The following NCALD variants were observed in gnomAD, a reference collection of about 807,000 sequenced individuals.
The protein encoded by NCALD is neurocalcin-delta.
In NCALD, 10 loss-of-function variants were observed where a neutral mutation model predicts 18.6. The observed-to-expected ratio is 0.54, with a 90% CI of 0.33 to 0.91. The LOEUF (loss-of-function observed/expected upper bound fraction) is 0.91, where lower values mean the gene tolerates loss of function less well. Ranked by LOEUF, NCALD falls within the 40% of genes least tolerant of loss-of-function variation. The pLI is 0.03. For synonymous variants in NCALD, 88 were observed against 87.4 expected (o/e 1.01, Z -0.04); for missense variants, 184 against 247.6 (o/e 0.74, Z 1.72).
intron 4 of NCALD, among the ~76,000 whole-genome samples, chr8:101,828,953 A>T (rs1160373454): frequency 7.2e-6 from 1 of 138,702 alleles, no homozygotes; most frequent in Non-Finnish European, 1.6e-5. Flanking sequence ...GGACAGAAGG[A>T]TGGGTGAGTG....
chr8:101,804,642 T>C (rs1813025837), intron 4 of NCALD, among the ~76,000 whole-genome samples: 1 of 126,882 alleles, frequency 7.9e-6, no homozygotes, highest in Non-Finnish European at 1.6e-5. Context: ...AATTAACTAT[T>C]ATATATTAGT....
At chr8:101,744,589 A>G (rs930875399) in intron 1 of NCALD, among the ~76,000 whole-genome samples, 3 of 152,176 alleles carry the variant, frequency 2.0e-5, no homozygotes, top group African/African-American at 7.2e-5. Context: ...GCAGAGATCC[A>G]GTTTCACTTC....
intron 1 of NCALD, among the ~76,000 whole-genome samples, chr8:101,773,980 T>C (rs1379155669): frequency 2.0e-5 from 3 of 152,186 alleles, no homozygotes; most frequent in Non-Finnish European, 2.9e-5. Flanking sequence ...AAATGACTAA[T>C]TCAGTGGTCA....
At chr8:101,951,048 C>A (rs950634422) in intron 2 of NCALD, among the ~76,000 whole-genome samples, 1 of 152,222 alleles carries the variant, frequency 6.6e-6, no homozygotes, top group Admixed American at 6.5e-5. Flanking sequence ...CCAAGCCATG[C>A]AGGCAATGCC....
In NCALD at chr8:101,895,922, G is replaced by T. The variant is rs1405613666; in HGVS notation, c.-106-8695C>A. Reference sequence around the variant, plus strand: ...CATGGGTAGGAAGAATCAATATCGTGAAAATGGCCATACTGCCCAAGGTAA... The same window carrying T: ...CATGGGTAGGAAGAATCAATATCGTTAAAATGGCCATACTGCCCAAGGTAA... On this transcript the variant is annotated intron_variant, in intron 3 of 6. Coordinates refer to the NCALD transcript ENST00000311028. Among the ~76,000 whole-genome samples the T allele has an allele frequency of 2.3e-4, 35 of 150,578 alleles. No individual in the cohort carries two copies. The East Asian group carries it at 4.1e-3, about 17-fold the overall frequency.
intron 4 of NCALD, among the ~76,000 whole-genome samples, chr8:101,836,361 C>A (rs1814413142): frequency 6.6e-6 from 1 of 152,236 alleles, no homozygotes. Flanking sequence ...AACCCTAGAC[C>A]CTTTTCCGCC....
At chr8:102,026,047 C>G (rs958156765) in intron 1 of NCALD, among the ~76,000 whole-genome samples, 11 of 152,106 alleles carry the variant, frequency 7.2e-5, no homozygotes, top group African/African-American at 2.7e-4. Flanking sequence ...AGAACTCACT[C>G]ACTGAGGGTA....
rs200824724 is a variant in NCALD at position 101,746,335 on chromosome 8, C to G, written c.-19-26687G>C. 1.0e-3 allele frequency among the ~76,000 whole-genome samples: 153 copies of G among 152,192 alleles called. 6 individuals are homozygous for G. The East Asian group carries it at 0.02, about 20-fold the overall frequency. ...GTCATTTAATCTGCTGTAAAATGGG[C>G]AGAATAATACCTTATAAGGTATGGA... On this transcript the variant is annotated intron_variant, in intron 1 of 3. Transcript: ENST00000220931.
intron 4 of NCALD, chr8:101,872,158 T>A: frequency 6.2e-7 from 1 of 1,607,398 alleles, no homozygotes; most frequent in Non-Finnish European, 8.5e-7. Context: ...GAGGTGCTGA[T>A]TTATCAGGGC....
At chr8:101,864,454 G>C (rs574102271) in intron 4 of NCALD, among the ~76,000 whole-genome samples, 2 of 152,296 alleles carry the variant, frequency 1.3e-5, no homozygotes, top group East Asian at 3.9e-4. Flanking sequence ...CGGAGTAAAG[G>C]AGAGAGATCT....
At position 101,751,722 on chromosome 8, in the gene NCALD, G is replaced by A. The variant is rs564730565; in HGVS notation, c.-19-32074C>T. On this transcript the variant is annotated intron_variant, in intron 1 of 3. Transcript: ENST00000220931. ...AATGATCTTCACAAGACCTGGCAAA[G>A]AGCACTTACTAAGTAGTCCTACTGA... 2.2e-4 allele frequency among the ~76,000 whole-genome samples: 34 copies of A among 152,248 alleles called. 1 individual carries two copies. The highest frequency in any genetic ancestry group is 8.2e-4 in the African/African-American group (34 of 41,550).
At chr8:101,943,425 G>C (rs1002119394) in intron 2 of NCALD, among the ~76,000 whole-genome samples, 1 of 152,196 alleles carries the variant, frequency 6.6e-6, no homozygotes, top group African/African-American at 2.4e-5. Flanking sequence ...CCTCTTATCA[G>C]GAACCTCATT....
chr8:102,029,714 C>A (rs1040713933), intron 1 of NCALD, among the ~76,000 whole-genome samples: 2 of 152,126 alleles, frequency 1.3e-5, no homozygotes, highest in African/African-American at 4.8e-5. Flanking sequence ...AAAAACACAG[C>A]ATTCGAGCTG....
At chr8:102,056,605 C>A (rs1490197494) in intron 1 of NCALD, among the ~76,000 whole-genome samples, 1 of 152,230 alleles carries the variant, frequency 6.6e-6, no homozygotes, top group Non-Finnish European at 1.5e-5. Flanking sequence ...TAGAGTCCTC[C>A]ATCTTGGCCA....
At chr8:101,906,056 C>T (rs1817600872) in intron 3 of NCALD, among the ~76,000 whole-genome samples, 1 of 152,170 alleles carries the variant, frequency 6.6e-6, no homozygotes, top group Admixed American at 6.5e-5. Context: ...TCATTGTTTG[C>T]TTACCATCAA....
intron 1 of NCALD, among the ~76,000 whole-genome samples, chr8:102,120,984 C>G (rs1454440015): frequency 1.3e-5 from 2 of 152,304 alleles, no homozygotes; most frequent in East Asian, 3.9e-4. Context: ...TAATCCCATT[C>G]CCTAGCAGAC....
intron 4 of NCALD, among the ~76,000 whole-genome samples, chr8:101,868,793 G>C (rs904996283): frequency 6.6e-6 from 1 of 152,218 alleles, no homozygotes; most frequent in Non-Finnish European, 1.5e-5. Flanking sequence ...AGAAGATCCT[G>C]TAACCAGGGT....
intron 3 of NCALD, among the ~76,000 whole-genome samples, chr8:101,891,826 A>G (rs896223366): frequency 5.3e-5 from 8 of 152,198 alleles, no homozygotes; most frequent in Non-Finnish European, 1.5e-5. Flanking sequence ...ACGGAGCACC[A>G]CGAGATTATA....
intron 2 of NCALD, among the ~76,000 whole-genome samples, chr8:102,000,351 G>A (rs1458383822): frequency 6.6e-6 from 1 of 152,084 alleles, no homozygotes; most frequent in Non-Finnish European, 1.5e-5. Context: ...TTGCCGAGGG[G>A]TGCCCGCCAT....
Sources: gnomAD v4.1 joint callset for allele counts (sites outside exome capture counted in the v4.1 genomes callset) on GRCh38, gnomAD v4.1.1 for gene constraint, MANE v1.5 for transcripts, NCBI Gene and HGNC (gene_info 2026-07-23, HGNC 2026-07-21) for gene names.